The following KLRG1 variants were observed in gnomAD, a reference collection of about 807,000 sequenced individuals.
The protein encoded by KLRG1 is killer cell lectin like receptor G1.
In KLRG1, 16 loss-of-function variants were observed where a neutral mutation model predicts 21.8. The ratio of observed to expected loss-of-function variants is 0.73; its 90% CI spans 0.50 to 1.11. KLRG1 has a LOEUF of 1.11. KLRG1 is among the 50% of genes most tolerant of loss of function. The pLI, the probability that KLRG1 is intolerant of heterozygous loss-of-function variation, is 0.00. For synonymous variants in KLRG1, 69 were observed against 75.9 expected (o/e 0.91, Z 0.47); for missense variants, 173 against 218.3 (o/e 0.79, Z 1.31).
the KLRG1 span, chr12:9,110,361 T>C: frequency 7.4e-7 from 1 of 1,348,996 alleles, no homozygotes; most frequent in Non-Finnish European, 1.0e-6. Flanking sequence ...AAAAGAAGTT[T>C]ATAATTATTT....
the KLRG1 span, among the ~76,000 whole-genome samples, chr12:9,040,458 A>G: frequency 1.3e-5 from 2 of 152,318 alleles, no homozygotes; most frequent in East Asian, 1.9e-4. Context: ...GGACACTTTC[A>G]TATTGTTCAA....
chr12:9,021,764 C>G, the KLRG1 span, among the ~76,000 whole-genome samples: 1 of 152,144 alleles, frequency 6.6e-6, no homozygotes, highest in Non-Finnish European at 1.5e-5. Flanking sequence ...GGGTCAGGAT[C>G]ATCAGTATCA....
the KLRG1 span, chr12:9,077,608 C>A: frequency 6.4e-7 from 1 of 1,551,982 alleles, no homozygotes; most frequent in South Asian, 1.2e-5. Context: ...TCCTCTGAGG[C>A]TTTCCCTTAG....
chr12:9,109,376 C>A, the KLRG1 span: 18 of 1,613,280 alleles, frequency 1.1e-5, no homozygotes, highest in Non-Finnish European at 1.7e-6. Flanking sequence ...ATCTTTGGCA[C>A]TGTTACTTGT....
At chr12:9,000,271 C>A (rs993137775) in intron 3 of KLRG1, among the ~76,000 whole-genome samples, 2 of 152,116 alleles carry the variant, frequency 1.3e-5, no homozygotes, top group African/African-American at 4.8e-5. Context: ...CTCTGGAGGT[C>A]TTCACAGTCT....
the KLRG1 span, among the ~76,000 whole-genome samples, chr12:9,029,725 CA>C: frequency 7.9e-5 from 12 of 151,910 alleles, no homozygotes; most frequent in Non-Finnish European, 1.3e-4. Flanking sequence ...TGTATTTTCC[CA>C]AAATTTTTTT....
At chr12:9,118,857 A>T in the KLRG1 span, among the ~76,000 whole-genome samples, 1 of 152,178 alleles carries the variant, frequency 6.6e-6, no homozygotes, top group African/African-American at 2.4e-5. Context: ...TTATCAGTTT[A>T]TTGGGCAAGC....
At chr12:9,135,545 T>A in the KLRG1 span, 1 of 350,146 alleles carries the variant, frequency 2.9e-6, no homozygotes, top group Non-Finnish European at 5.4e-6. Flanking sequence ...GAATTTCTCT[T>A]GGGCAGAACC....
chr12:9,041,342 A>T, the KLRG1 span, among the ~76,000 whole-genome samples: 1 of 152,204 alleles, frequency 6.6e-6, no homozygotes, highest in Non-Finnish European at 1.5e-5. Context: ...TCAAAAACAA[A>T]CAAACAAAAA....
At chr12:9,100,159 C>A in the KLRG1 span, among the ~76,000 whole-genome samples, 2 of 152,078 alleles carry the variant, frequency 1.3e-5, no homozygotes, top group South Asian at 4.1e-4. Context: ...CCGCTTCAGT[C>A]GGTAGAAGTA....
chr12:8,986,495 A>T (rs938856290), upstream of KLRG1, among the ~76,000 whole-genome samples: 4 of 152,002 alleles, frequency 2.6e-5, no homozygotes, highest in African/African-American at 9.7e-5. Context: ...TTATAATTCA[A>T]CACTGTCATT....
chr12:9,071,432 AT>A, the KLRG1 span, among the ~76,000 whole-genome samples: 75 of 151,326 alleles, frequency 5.0e-4, no homozygotes, highest in East Asian at 5.8e-3. Context: ...AATGAAAAAA[AT>A]ATATATATAT....
At chr12:9,093,138 G>A in the KLRG1 span, among the ~76,000 whole-genome samples, 273 of 152,294 alleles carry the variant, frequency 1.8e-3, no homozygotes, top group Non-Finnish European at 2.8e-3. Context: ...TTGAAGTTAC[G>A]TAGGATGAAT....
the KLRG1 span, chr12:9,154,590 C>G: frequency 1.9e-6 from 3 of 1,603,276 alleles, no homozygotes; most frequent in Admixed American, 3.3e-5. Context: ...GAACCTGGAG[C>G]AGAAGACTCT....
At chr12:9,185,014 C>T in the KLRG1 span, among the ~76,000 whole-genome samples, 2 of 152,168 alleles carry the variant, frequency 1.3e-5, no homozygotes, top group Non-Finnish European at 2.9e-5. Context: ...ACTCAAAGAG[C>T]CAGAGCATCT....
intron 1 of KLRG1, among the ~76,000 whole-genome samples, chr12:8,990,593 C>T (rs968194612): frequency 6.6e-6 from 1 of 151,920 alleles, no homozygotes; most frequent in Non-Finnish European, 1.5e-5. Flanking sequence ...ATTTGTGTAA[C>T]CTTTTCCTAT....
chr12:9,056,394 AGGG>A, the KLRG1 span, among the ~76,000 whole-genome samples: 1 of 152,148 alleles, frequency 6.6e-6, no homozygotes, highest in African/African-American at 2.4e-5. Flanking sequence ...GCAAAGTACT[AGGG>A]GGGATCACGC....
At chr12:9,165,170 G>C in the KLRG1 span, 1 of 1,614,050 alleles carries the variant, frequency 6.2e-7, no homozygotes, top group Non-Finnish European at 8.5e-7. Context: ...GTTTAGGACC[G>C]TGGCCTTGAG....
the KLRG1 span, among the ~76,000 whole-genome samples, chr12:9,073,554 GT>G: frequency 1.3e-5 from 2 of 152,002 alleles, no homozygotes; most frequent in Non-Finnish European, 2.9e-5. Context: ...AAATTACTTA[GT>G]TTTTTTCATT....
Sources: allele counts gnomAD v4.1 joint callset (sites outside exome capture counted in the v4.1 genomes callset), GRCh38; gene constraint gnomAD v4.1.1; transcripts MANE v1.5; gene names NCBI Gene and HGNC (gene_info 2026-07-23, HGNC 2026-07-21).